The following CACNA1E variants were observed in gnomAD, a reference collection of about 807,000 sequenced individuals.
The protein encoded by CACNA1E is calcium voltage-gated channel subunit alpha1 E, also known as voltage-dependent R-type calcium channel subunit alpha-1E.
In CACNA1E, 40 loss-of-function variants were observed where a neutral mutation model predicts 259.2. The observed-to-expected ratio is 0.15, with a 90% CI of 0.12 to 0.20. The LOEUF (loss-of-function observed/expected upper bound fraction) is 0.20, where lower values mean the gene tolerates loss of function less well. CACNA1E is among the 10% of genes least tolerant of loss of function. CACNA1E has a pLI of 1.00. For missense variants in CACNA1E, 1,874 were observed against 3,040.1 expected (o/e 0.62, Z 9.02); for synonymous variants, 1,104 against 1,138.5 (o/e 0.97, Z 0.61).
chr1:181,632,625 A>G (rs149088263), intron 6 of CACNA1E, among the ~76,000 whole-genome samples: 287 of 152,312 alleles, frequency 1.9e-3, no homozygotes, highest in Middle Eastern at 6.8e-3. Flanking sequence ...CCAGTTTTAC[A>G]AAGTTGTCCT....
At position 181,711,013 on chromosome 1, in the gene CACNA1E, G is replaced by A. The variant is rs1172205004; in HGVS notation, c.1115G>A (p.Arg372His). Residue 372 changes from arginine to histidine, a missense_variant, in exon 8 of 48, where the codon CGC (arginine) becomes CAC (histidine). Transcript: ENST00000367573. ...ENRRAFMKLRRQQQIERELNG... is the reference protein window; with the variant it reads ...ENRRAFMKLRHQQQIERELNG... The stretch of plus-strand genomic sequence containing the variant: ...CGAAGGGCTTTCATGAAGCTGCGGC[G>A]CCAGCAGCAGATTGAGCGTGAGCTG... The A allele has an allele frequency of 8.1e-6, 13 of 1,613,740 alleles. No individual in the cohort carries two copies. Among genetic ancestry groups the A allele is most frequent in the East Asian group, 2.2e-5 (1 of 44,900 alleles).
Position 181,542,889 on chromosome 1 carries a change from T to G in CACNA1E, c.512+31379T>G, listed in dbSNP as rs557177674. ...TCCATATATAAGGGGTTTGATGTGT[T>G]TATTAGTTTGGGAAATGCTGCATAC... On this transcript the variant is annotated intron_variant, in intron 3 of 47. Coordinates refer to ENST00000367573, the MANE Select transcript of CACNA1E (RefSeq NM_001205293.3). 1.5e-4 allele frequency among the ~76,000 whole-genome samples: 22 copies of G among 149,220 alleles called. No homozygotes were observed. The South Asian group carries it at 4.4e-3, about 30-fold the overall frequency.
Position 181,733,469 on chromosome 1 carries a change from G to T in CACNA1E, c.2981G>T (p.Gly994Val), listed in dbSNP as rs1429283789. The T allele has an allele frequency of 6.4e-6, 10 of 1,555,668 alleles. No homozygotes were observed. The highest frequency in any genetic ancestry group is 8.7e-6 in the Non-Finnish European group (10 of 1,149,382). Residue 994 changes from glycine to valine, a missense_variant, in exon 21 of 48, where the codon GGG (glycine) becomes GTG (valine). This residue lies in a region of CACNA1E where 476 missense variants were observed against 514.0 expected (regional missense o/e 0.93). Transcript: ENST00000367573. ...TNSLMVSRGS[G>V]LAGGLDEADT... is the part of the protein sequence containing the mutation. ...AGTCTGATGGTGTCCAGAGGCTCCG[G>T]GCTGGCAGGAGGCCTTGATGAGGCT...
chr1:181,376,164 G>C (rs1655083298), intron 1 of CACNA1E, among the ~76,000 whole-genome samples: 1 of 152,162 alleles, frequency 6.6e-6, no homozygotes, highest in South Asian at 2.1e-4. Flanking sequence ...AGAATTCATG[G>C]TAGAAACCTA....
intron 33 of CACNA1E, 130 bp downstream of exon 33, chr1:181,762,787 C>A: frequency 1.6e-6 from 1 of 639,044 alleles, no homozygotes; most frequent in Non-Finnish European, 2.8e-6. Flanking sequence ...TGGGAATTTA[C>A]TCCCTTGCTG....
intron 7 of CACNA1E, among the ~76,000 whole-genome samples, chr1:181,708,790 G>T (rs898741944): frequency 2.6e-5 from 4 of 152,182 alleles, no homozygotes; most frequent in Non-Finnish European, 4.4e-5. Flanking sequence ...TCTCAGAATG[G>T]TTGTAAAGAT....
intron 6 of CACNA1E, among the ~76,000 whole-genome samples, chr1:181,598,006 G>A (rs975441957): frequency 2.0e-5 from 3 of 152,108 alleles, no homozygotes; most frequent in African/African-American, 7.2e-5. Context: ...TATATCAGGC[G>A]CTTAAGGCTT....
At position 181,798,419 on chromosome 1, in the gene CACNA1E, T is replaced by A. The variant is rs1662002652; in HGVS notation, c.6527T>A (p.Ile2176Asn). The A allele has an allele frequency of 6.2e-7, 1 of 1,613,764 alleles. No individual in the cohort carries two copies. The highest frequency in any genetic ancestry group is 1.3e-5 in the African/African-American group (1 of 75,036). Residue 2176 changes from isoleucine (I) to asparagine (N), a missense_variant, in exon 48 of 48, where the codon ATT becomes AAT. Around this residue, in one of 14 missense-constraint regions of CACNA1E, gnomAD observed 542 missense variants for 587.2 expected, o/e 0.92. Transcript: ENST00000367573. The surrounding 1 kb of genome is among the most constrained non-coding windows in gnomAD (Gnocchi z 4.2). ...CCCCTCCTTTCCTACAGCTCCCTGA[T>A]TCGACACGCGGGCAGCATCTCTCCA... is the stretch of plus-strand genomic sequence containing the variant. ...PRPLLSYSSL[I>N]RHAGSISPPA...
intron 37 of CACNA1E, among the ~76,000 whole-genome samples, 177 bp from the exon 38 acceptor site, chr1:181,775,924 A>C (rs1659933452): frequency 1.3e-5 from 2 of 152,172 alleles, no homozygotes; most frequent in South Asian, 4.1e-4. Flanking sequence ...GTGATCCGGC[A>C]CTTGGATCCA....
chr1:181,742,716 G>C (rs1656691839), intron 25 of CACNA1E, among the ~76,000 whole-genome samples: 1 of 152,168 alleles, frequency 6.6e-6, no homozygotes, highest in African/African-American at 2.4e-5. Context: ...CTCAAACAAA[G>C]CTGTGGTGTC....
At chr1:181,729,837 T>G (rs1048172425) in intron 18 of CACNA1E, among the ~76,000 whole-genome samples, 3 of 152,198 alleles carry the variant, frequency 2.0e-5, no homozygotes, top group Non-Finnish European at 4.4e-5. Flanking sequence ...ATTTGAGAAT[T>G]TGCAAATAGA....
At position 181,750,461 on chromosome 1, in the gene CACNA1E, T is replaced by C; in HGVS notation, c.3720-15T>C. On this transcript the variant is annotated splice_polypyrimidine_tract_variant and intron_variant, in intron 25 of 47. Coordinates refer to ENST00000367573, the MANE Select transcript of CACNA1E (RefSeq NM_001205293.3). The stretch of plus-strand genomic sequence containing the variant: ...ATTTTGATTTTCTACTGCTCTCTGA[T>C]TGGATCCTCCATAGGAACGCTTTGG... 2 of 1,612,808 alleles carry C rather than the reference T, an allele frequency of 1.2e-6. No individual in the cohort carries two copies.
chr1:181,473,317 A>G lies in CACNA1E; in HGVS notation c.435-10427A>G, dbSNP rs1202724056. On this transcript the variant is annotated intron_variant, in intron 2 of 11. Transcript: ENST00000524607. ...AGACTTAGCCATTCATTGAAAAACA[A>G]GTAAATGGTGTAAAACCATGCTAAT... is the stretch of plus-strand genomic sequence containing the variant. Among the ~76,000 whole-genome samples the G allele has an allele frequency of 6.6e-5, 10 of 152,356 alleles. No homozygotes were observed. In the East Asian group the frequency reaches 1.5e-3, roughly 23 times the overall value.
chr1:181,707,784 A>C (rs962815844), intron 7 of CACNA1E, among the ~76,000 whole-genome samples: 7 of 152,156 alleles, frequency 4.6e-5, no homozygotes, highest in Admixed American at 4.6e-4. Flanking sequence ...GATATTTGTC[A>C]TTAAAAAAAA....
At chr1:181,591,314 T>G (rs1652621073) in intron 6 of CACNA1E, among the ~76,000 whole-genome samples, 2 of 152,228 alleles carry the variant, frequency 1.3e-5, no homozygotes, top group African/African-American at 4.8e-5. Context: ...TGTTAGTCTT[T>G]TTAAAAGAAT....
At chr1:181,354,617 C>T (rs1176236063) in intron 1 of CACNA1E, among the ~76,000 whole-genome samples, 1 of 152,196 alleles carries the variant, frequency 6.6e-6, no homozygotes, top group Non-Finnish European at 1.5e-5. Flanking sequence ...CCACAGTGCA[C>T]ATGGCTCCAT....
intron 25 of CACNA1E, among the ~76,000 whole-genome samples, chr1:181,750,069 T>A (rs1009936295): frequency 1.3e-5 from 2 of 152,256 alleles, no homozygotes; most frequent in Non-Finnish European, 2.9e-5. Flanking sequence ...TTCTTATAAA[T>A]TCACTGGAAA....
chr1:181,538,563 G>T (rs1191207318), intron 3 of CACNA1E, among the ~76,000 whole-genome samples: 1 of 152,178 alleles, frequency 6.6e-6, no homozygotes, highest in Non-Finnish European at 1.5e-5. Flanking sequence ...CCATAGTCTA[G>T]TGGAAGAGAG....
At chr1:181,743,895 T>C (rs2102618094) in intron 25 of CACNA1E, among the ~76,000 whole-genome samples, 2 of 152,298 alleles carry the variant, frequency 1.3e-5, no homozygotes, top group East Asian at 3.9e-4. Context: ...TCCCATCTCC[T>C]CCCCCACCTC....
Sources: allele counts gnomAD v4.1 joint callset (sites outside exome capture counted in the v4.1 genomes callset), GRCh38; gene constraint gnomAD v4.1.1; regional missense constraint gnomAD v4.1.1; non-coding constraint Gnocchi (gnomAD v3.1); transcripts MANE v1.5; gene names NCBI Gene and HGNC (gene_info 2026-07-23, HGNC 2026-07-21).